The following RIC3 variants were observed in gnomAD, a reference collection of about 807,000 sequenced individuals.
The protein encoded by RIC3 is protein RIC-3.
Under a neutral mutation model 27.3 loss-of-function variants are expected in RIC3, and 28 were observed. The ratio of observed to expected loss-of-function variants is 1.02; its 90% CI spans 0.76 to 1.41. The LOEUF is 1.41. Ranked by LOEUF, RIC3 falls within the 40% of genes most tolerant of loss-of-function variation. RIC3 has a pLI of 0.00. For synonymous variants in RIC3, 184 were observed against 160.4 expected, an observed-to-expected ratio of 1.15 and a Z score of -1.11; for missense variants, 501 against 444.7, an observed-to-expected ratio of 1.13 and a Z score of -1.14.
chr11:8,146,081 CT>C (rs1263955736), intron 1 of RIC3, among the ~76,000 whole-genome samples: 2 of 152,172 alleles, frequency 1.3e-5, no homozygotes, highest in African/African-American at 4.8e-5. Context: ...GAACTACAGA[CT>C]TTATAGACCT....
intron 5 of RIC3, among the ~76,000 whole-genome samples, chr11:8,114,298 C>T (rs891114408): frequency 6.6e-6 from 1 of 152,068 alleles, no homozygotes; most frequent in Non-Finnish European, 1.5e-5. Flanking sequence ...GCACCAGGAA[C>T]AGACTCTAAA....
chr11:8,141,990 C>T (rs1949128496), intron 1 of RIC3, among the ~76,000 whole-genome samples: 1 of 150,960 alleles, frequency 6.6e-6, no homozygotes, highest in Non-Finnish European at 1.5e-5. Flanking sequence ...AGAACAAAGA[C>T]ACAACATACC....
At chr11:8,168,165 C>G (rs55740723) in intron 1 of RIC3, among the ~76,000 whole-genome samples, 18 of 152,176 alleles carry the variant, frequency 1.2e-4, no homozygotes, top group Non-Finnish European at 1.0e-4. Context: ...CCTTCAGCAC[C>G]GTGCCTTTAC....
chr11:8,160,436 G>C lies in RIC3; in HGVS notation c.124+8430C>G, dbSNP rs144199512. On this transcript the variant is annotated intron_variant, in intron 1 of 5. Transcript: ENST00000309737. Reference sequence around the variant, plus strand: ...GAAATGGTAAGCAGATACATTGAATGAAACATTGAATGCTCTGAAAAAATT... The same window carrying C: ...GAAATGGTAAGCAGATACATTGAATCAAACATTGAATGCTCTGAAAAAATT... Among the ~76,000 whole-genome samples, 198 of 152,318 alleles carry C rather than the reference G, an allele frequency of 1.3e-3. 1 individual carries two copies. The highest frequency in any genetic ancestry group is 4.5e-3 in the African/African-American group (188 of 41,576).
intron 4 of RIC3, among the ~76,000 whole-genome samples, chr11:8,129,397 C>G (rs768939791): frequency 3.9e-5 from 6 of 152,028 alleles, no homozygotes; most frequent in Admixed American, 2.6e-4. Context: ...TACTATTAAT[C>G]TTGACTTTCC....
chr11:8,095,492 C>T, the RIC3 span: 1 of 1,606,462 alleles, frequency 6.2e-7, no homozygotes, highest in Non-Finnish European at 8.5e-7. Context: ...TGTCCGTGGC[C>T]TGCAGGCACC....
chr11:8,130,687 T>C (rs1337157879), intron 4 of RIC3, among the ~76,000 whole-genome samples: 2 of 152,094 alleles, frequency 1.3e-5, no homozygotes, highest in Admixed American at 6.5e-5. Context: ...TATATTACTG[T>C]AAGAGTTATT....
intron 5 of RIC3, among the ~76,000 whole-genome samples, chr11:8,117,512 T>G (rs1016401330): frequency 8.5e-5 from 13 of 152,188 alleles, no homozygotes; most frequent in Non-Finnish European, 2.9e-5. Flanking sequence ...TCAAGCTCAT[T>G]AAGAAAATAA....
intron 1 of RIC3, among the ~76,000 whole-genome samples, chr11:8,151,693 C>G (rs1398824681): frequency 1.3e-5 from 2 of 151,086 alleles, no homozygotes; most frequent in Non-Finnish European, 1.5e-5. Flanking sequence ...GTGGGCAGAT[C>G]ATTTGAGGTC....
chr11:8,093,612 C>T, the RIC3 span, among the ~76,000 whole-genome samples: 1 of 152,188 alleles, frequency 6.6e-6, no homozygotes, highest in Non-Finnish European at 1.5e-5. Context: ...CGCAGAGCCC[C>T]CTCGTAGGCT....
chr11:8,094,032 T>C, the RIC3 span: 4 of 1,613,948 alleles, frequency 2.5e-6, no homozygotes, highest in African/African-American at 5.3e-5. Context: ...CATCTGGGGA[T>C]GTTTCCTGAG....
intron 1 of RIC3, among the ~76,000 whole-genome samples, chr11:8,146,477 A>C (rs1346882338): frequency 6.6e-6 from 1 of 152,356 alleles, no homozygotes; most frequent in African/African-American, 2.4e-5. Context: ...GCACTAACAA[A>C]GTTAATAAAA....
chr11:8,108,350 CTG>C lies in RIC3; in HGVS notation c.*2346_*2347del, dbSNP rs1193130062. 6.6e-6 allele frequency: 1 copy of C among 152,186 alleles called. No individual in the cohort carries two copies. The highest frequency in any genetic ancestry group is 6.5e-5 in the Admixed American group (1 of 15,284). The allele number at this position is 152,186 out of a possible 1,614,324, so 9.4% of individuals were successfully genotyped here. A position where few individuals can be genotyped will look rare whatever the true frequency, so the allele number is the denominator to read the frequency against. On this transcript the variant is annotated 3_prime_UTR_variant, in exon 6 of 6. Transcript: ENST00000309737. ...GCCTCAAGGCCCACCTCCCAAGAAA[CTG>C]TGAAGTTTCTTGGCAATACTTTAGC...
chr11:8,106,865 G>C lies in RIC3; in HGVS notation c.*3833C>G, dbSNP rs1944723260. Reference sequence around the variant, plus strand: ...ACTCCTGGCAATCAGGGTAGCCTTAGAGGGTGTCAGGTGTGACATCTCAGC... The same window carrying C: ...ACTCCTGGCAATCAGGGTAGCCTTACAGGGTGTCAGGTGTGACATCTCAGC... On this transcript the variant is annotated 3_prime_UTR_variant, in exon 6 of 6. Transcript: ENST00000309737. The C allele has an allele frequency of 6.6e-6, 1 of 152,232 alleles. No homozygotes were observed. The highest frequency in any genetic ancestry group is 1.5e-5 in the Non-Finnish European group (1 of 68,050). The allele number at this position is 152,232 out of a possible 1,614,324, so 9.4% of individuals were successfully genotyped here.
Position 8,140,114 on chromosome 11 carries a change from C to G in RIC3, c.204G>C (p.Gln68His), listed in dbSNP as rs751641137. ...CAAATGCCTCGGCAAGGTGAGACCT[C>G]TGGAAACGAGCCCCAGGAGTCTGGC... ...SDGQTPGARF[Q>H]RSHLAEAFAK... Residue 68 changes from glutamine (Q) to histidine (H), a missense_variant, in exon 2 of 6, where the codon CAG becomes CAC. Transcript: ENST00000309737. 1.2e-6 allele frequency: 2 copies of G among 1,614,126 alleles called. No homozygotes were observed. The highest frequency in any genetic ancestry group is 1.7e-6 in the Non-Finnish European group (2 of 1,180,024).
intron 1 of RIC3, among the ~76,000 whole-genome samples, chr11:8,154,749 G>A (rs1950524095): frequency 6.6e-6 from 1 of 150,382 alleles, no homozygotes; most frequent in Admixed American, 6.6e-5. Flanking sequence ...AATAAGATTT[G>A]TGTTTTTTTA....
the RIC3 span, chr11:8,096,796 A>G: frequency 5.6e-6 from 9 of 1,614,144 alleles, no homozygotes; most frequent in African/African-American, 6.7e-5. Context: ...ACTAGCAGGA[A>G]GTCCGTCAGG....
downstream of RIC3, chr11:8,102,196 TG>T (rs1293474168): frequency 6.6e-6 from 1 of 152,510 alleles, no homozygotes; most frequent in African/African-American, 2.4e-5. Context: ...GGGAGGGTGG[TG>T]GGGACAGGTA....
chr11:8,113,701 G>C (rs1945518264), intron 5 of RIC3, among the ~76,000 whole-genome samples: 1 of 152,078 alleles, frequency 6.6e-6, no homozygotes, highest in African/African-American at 2.4e-5. Flanking sequence ...CCCCAGCATT[G>C]GGCCGGCCCT....
Sources: allele counts gnomAD v4.1 joint callset (sites outside exome capture counted in the v4.1 genomes callset), GRCh38; gene constraint gnomAD v4.1.1; transcripts MANE v1.5; gene names NCBI Gene and HGNC (gene_info 2026-07-23, HGNC 2026-07-21).